TRIM33: variants seen among roughly 807,000 people sequenced by gnomAD.
The protein encoded by TRIM33 is E3 ubiquitin-protein ligase TRIM33.
Under a neutral mutation model 125.4 loss-of-function variants are expected in TRIM33, and 20 were observed. That is an observed-to-expected ratio of 0.16 (90% CI 0.11 to 0.23). TRIM33 has a LOEUF of 0.23. Ranked by LOEUF, TRIM33 falls within the 10% of genes least tolerant of loss-of-function variation. The pLI, the probability that TRIM33 is intolerant of heterozygous loss-of-function variation, is 1.00. For synonymous variants in TRIM33, 564 were observed against 513.9 expected (o/e 1.10, Z -1.32); for missense variants, 920 against 1,411.4 (o/e 0.65, Z 5.58).
intron 1 of TRIM33, among the ~76,000 whole-genome samples, chr1:114,508,104 G>A (rs1364663445): frequency 3.9e-5 from 6 of 152,086 alleles, no homozygotes; most frequent in African/African-American, 9.7e-5. Context: ...GCAACAGAGC[G>A]AGACTGTCTC....
At chr1:114,412,121 A>G (rs1652631241) in intron 11 of TRIM33, among the ~76,000 whole-genome samples, 1 of 152,240 alleles carries the variant, frequency 6.6e-6, no homozygotes, top group Admixed American at 6.5e-5. Context: ...ATCACTGGAA[A>G]AGATGGAAGA....
chr1:114,454,486 G>A (rs1649513102), intron 4 of TRIM33, among the ~76,000 whole-genome samples: 1 of 151,962 alleles, frequency 6.6e-6, no homozygotes, highest in African/African-American at 2.4e-5. Context: ...AGGAGTTCAA[G>A]ACCAGCCTGG....
intron 4 of TRIM33, among the ~76,000 whole-genome samples, chr1:114,446,103 G>A (rs1418909260): frequency 6.6e-6 from 1 of 152,148 alleles, no homozygotes; most frequent in Non-Finnish European, 1.5e-5. Flanking sequence ...CAATCCACCT[G>A]CCTCAGCTTC....
In TRIM33 at chr1:114,394,553, C is replaced by CA. The variant is rs984499412; in HGVS notation, c.*3094dup. 2 of 210,320 alleles carry CA rather than the reference C, an allele frequency of 9.5e-6. No individual in the cohort carries two copies. The highest frequency in any genetic ancestry group is 9.7e-6 in the Non-Finnish European group (1 of 103,230). 13.0% of individuals were successfully genotyped at this position (210,320 alleles called of 1,614,324 possible). On this transcript the variant is annotated 3_prime_UTR_variant, in exon 20 of 20. Coordinates refer to ENST00000358465, the MANE Select transcript of TRIM33 (RefSeq NM_015906.4). ...TAACTAAAAATTCCAAAACTTATCA[C>CA]AAAAAATGAGACAACTGACTTAGCA...
intron 1 of TRIM33, among the ~76,000 whole-genome samples, chr1:114,479,030 C>T (rs910630697): frequency 3.3e-5 from 5 of 152,158 alleles, no homozygotes; most frequent in African/African-American, 9.6e-5. Flanking sequence ...GCCTGGGCAA[C>T]AAGAGTGAAA....
intron 1 of TRIM33, among the ~76,000 whole-genome samples, chr1:114,481,705 AT>A (rs1235724724): frequency 2.7e-5 from 4 of 150,610 alleles, no homozygotes; most frequent in Admixed American, 6.6e-5. Context: ...GTATATATAT[AT>A]TTTTTTATAT....
chr1:114,393,400 AC>A lies in TRIM33; in HGVS notation c.*4247del, dbSNP rs1651381981. On this transcript the variant is annotated 3_prime_UTR_variant, in exon 20 of 20. Transcript: ENST00000358465. ...GAAAGGGAATATTGCAGTGGCACTT[AC>A]AAAATCATTTTGGTGCCTTCCCACA... 4.9e-6 allele frequency: 1 copy of A among 202,210 alleles called. No individual in the cohort carries two copies. The highest frequency in any genetic ancestry group is 6.0e-5 in the Admixed American group (1 of 16,650). The allele number at this position is 202,210 out of a possible 1,614,324, so 12.5% of individuals were successfully genotyped here.
At chr1:114,402,688 G>GAA (rs533288054) in intron 16 of TRIM33, 72 bp downstream of exon 16, 2 of 1,477,388 alleles carry the variant, frequency 1.4e-6, no homozygotes, top group South Asian at 2.7e-5. Flanking sequence ...TGCTACACAG[G>GAA]AAAAAAAAAG....
chr1:114,421,752 T>G, intron 10 of TRIM33, 116 bp from the exon 11 acceptor site: 4 of 891,184 alleles, frequency 4.5e-6, no homozygotes, highest in Non-Finnish European at 6.9e-6. Flanking sequence ...AGTGGGCCCT[T>G]TCAAACTTAT....
chr1:114,469,043 C>A, intron 1 of TRIM33: 2 of 245,802 alleles, frequency 8.1e-6, no homozygotes, highest in South Asian at 9.6e-5. Flanking sequence ...ACAAGTGGTT[C>A]TATAGATGGT....
intron 4 of TRIM33, among the ~76,000 whole-genome samples, chr1:114,453,080 G>A (rs1649414787): frequency 6.6e-6 from 1 of 152,106 alleles, no homozygotes; most frequent in African/African-American, 2.4e-5. Context: ...ACACACAGAA[G>A]TGGATAGGCA....
chr1:114,474,893 C>CAA (rs555557038), intron 1 of TRIM33, among the ~76,000 whole-genome samples: 14 of 120,822 alleles, frequency 1.2e-4, no homozygotes, highest in African/African-American at 2.4e-4. Context: ...AACTCTATCT[C>CAA]AAAAAAAAAA....
chr1:114,444,930 A>G (rs879136923), intron 4 of TRIM33, among the ~76,000 whole-genome samples: 12 of 152,230 alleles, frequency 7.9e-5, no homozygotes, highest in Admixed American at 7.2e-4. Context: ...CTTTAAATGA[A>G]CATAGGTTCT....
intron 11 of TRIM33, among the ~76,000 whole-genome samples, chr1:114,418,815 C>T (rs1653093724): frequency 2.6e-5 from 4 of 152,034 alleles, no homozygotes; most frequent in Admixed American, 2.6e-4. Flanking sequence ...AGAAGCGATT[C>T]AGCAATTAAG....
At chr1:114,473,662 G>A (rs1182141272) in intron 1 of TRIM33, among the ~76,000 whole-genome samples, 1 of 152,132 alleles carries the variant, frequency 6.6e-6, no homozygotes, top group Non-Finnish European at 1.5e-5. Context: ...AGGAAGTTTA[G>A]AAGTAGAAGG....
intron 16 of TRIM33, 71 bp from the exon 17 acceptor site, chr1:114,401,534 CTA>C: frequency 7.7e-7 from 1 of 1,300,004 alleles, no homozygotes; most frequent in Non-Finnish European, 1.1e-6. Context: ...AGAATGAGAA[CTA>C]TATCACAACA....
rs1652482547 is a variant in TRIM33 at position 114,410,070 on chromosome 1, C to G, written c.2194+114G>C. 46 of 1,293,730 alleles carry G rather than the reference C, an allele frequency of 3.6e-5. No individual in the cohort carries two copies. The South Asian group carries it at 5.8e-4, about 16-fold the overall frequency. The allele number at this position is 1,293,730 out of a possible 1,614,324, so 80.1% of individuals were successfully genotyped here. A position where few individuals can be genotyped will look rare whatever the true frequency, so the allele number is the denominator to read the frequency against. On this transcript the variant is annotated intron_variant, in intron 12 of 19. Coordinates refer to ENST00000358465, the MANE Select transcript of TRIM33 (RefSeq NM_015906.4). Reference sequence around the variant, plus strand: ...TAAATCTCTCTCAATCTCCCTTTCTCTCTTCAAGTAGACCTCCTACTTATT... The same window carrying G: ...TAAATCTCTCTCAATCTCCCTTTCTGTCTTCAAGTAGACCTCCTACTTATT...
chr1:114,492,384 T>C (rs973232529), intron 1 of TRIM33, among the ~76,000 whole-genome samples: 1 of 152,258 alleles, frequency 6.6e-6, no homozygotes, highest in African/African-American at 2.4e-5. Context: ...TGAACTATTA[T>C]GTATGTATAT....
intron 13 of TRIM33, among the ~76,000 whole-genome samples, chr1:114,407,942 A>G (rs1278402964): frequency 2.6e-5 from 4 of 152,186 alleles, no homozygotes; most frequent in African/African-American, 4.8e-5. Flanking sequence ...TTAAAATGTA[A>G]TATTTCAACC....
Sources: gnomAD v4.1 joint callset for allele counts (sites outside exome capture counted in the v4.1 genomes callset) on GRCh38, gnomAD v4.1.1 for gene constraint, MANE v1.5 for transcripts, NCBI Gene and HGNC (gene_info 2026-07-23, HGNC 2026-07-21) for gene names.